The following NUP35 variants were observed in gnomAD, a reference collection of about 807,000 sequenced individuals.
The protein encoded by NUP35 is nucleoporin 35, also known as nucleoporin NUP35.
In NUP35, 25 loss-of-function variants were observed where a neutral mutation model predicts 41.5. That is an observed-to-expected ratio of 0.60 (90% CI 0.44 to 0.84). The LOEUF is 0.84. NUP35 is among the 40% of genes least tolerant of loss of function. NUP35 has a pLI of 0.00. For missense variants in NUP35, 396 were observed against 396.6 expected, an observed-to-expected ratio of 1.00 and a Z score of 0.01; for synonymous variants, 149 against 130.7, an observed-to-expected ratio of 1.14 and a Z score of -0.96.
intron 7 of NUP35, 139 bp from the exon 8 acceptor site, chr2:183,159,349 C>G (rs1453076513): frequency 4.4e-6 from 3 of 688,722 alleles, no homozygotes; most frequent in Non-Finnish European, 6.8e-6. Flanking sequence ...TTTCTCAAGC[C>G]TAAAATTATT....
chr2:183,139,161 C>T (rs944146302), intron 4 of NUP35, among the ~76,000 whole-genome samples: 53 of 151,352 alleles, frequency 3.5e-4, no homozygotes, highest in Non-Finnish European at 6.0e-4. Flanking sequence ...CTAAGAGAGC[C>T]GCTAAAGTGT....
intron 1 of NUP35, among the ~76,000 whole-genome samples, chr2:183,124,819 G>T (rs900967489): frequency 6.6e-6 from 1 of 152,144 alleles, no homozygotes; most frequent in African/African-American, 2.4e-5. Flanking sequence ...TACCCGAGAC[G>T]CGATGCTGGT....
chr2:183,120,445 CAAAA>C (rs3029530), upstream of NUP35, among the ~76,000 whole-genome samples: 2 of 118,262 alleles, frequency 1.7e-5, no homozygotes, highest in Admixed American at 8.7e-5. Context: ...GACTCCGTCT[CAAAA>C]AAAAAAAAAA....
chr2:183,155,564 T>C lies in NUP35; in HGVS notation c.540-1880T>C, dbSNP rs1379162159. ...TTCTTTTACATTTACATTTTTATAG[T>C]CTCTCATAAAATGGCTTTTTTTTTT... is the stretch of plus-strand genomic sequence containing the variant. On this transcript the variant is annotated intron_variant, in intron 5 of 8. Transcript: ENST00000295119. 8.2e-5 allele frequency among the ~76,000 whole-genome samples: 12 copies of C among 146,038 alleles called. No homozygotes were observed. In the Admixed American group the frequency reaches 8.7e-4, roughly 11 times the overall value.
At chr2:183,146,436 A>G (rs879127306) in intron 4 of NUP35, among the ~76,000 whole-genome samples, 1 of 152,276 alleles carries the variant, frequency 6.6e-6, no homozygotes, top group Admixed American at 6.5e-5. Flanking sequence ...CCAGAACACT[A>G]TTCTAGACCT....
At chr2:183,128,534 C>A (rs923642266) in intron 2 of NUP35, 77 bp downstream of exon 2, 1 of 969,996 alleles carries the variant, frequency 1.0e-6, no homozygotes, top group Non-Finnish European at 1.5e-6. Flanking sequence ...CCCTGAACCA[C>A]ATTGGAAGAA....
At chr2:183,125,962 G>A (rs1386740327) in intron 1 of NUP35, among the ~76,000 whole-genome samples, 1 of 152,138 alleles carries the variant, frequency 6.6e-6, no homozygotes, top group Admixed American at 6.5e-5. Flanking sequence ...GTTGGTGACA[G>A]TCCTGATTAA....
chr2:183,153,312 AC>A, intron 5 of NUP35, among the ~76,000 whole-genome samples: 1 of 152,122 alleles, frequency 6.6e-6, no homozygotes, highest in South Asian at 2.1e-4. Context: ...TTCCCAACAC[AC>A]CCCTGAAAGT....
At position 183,124,456 on chromosome 2, in the gene NUP35, C is replaced by G; in HGVS notation, c.-2C>G. ...CTGGTTTTAAGTGTAGTTGCCGACG[C>G]AATGGCAGCCTTTGCAGTGGAACCT... On this transcript the variant is annotated 5_prime_UTR_variant, in exon 1 of 9. Transcript: ENST00000295119. 2 of 1,614,174 alleles carry G rather than the reference C, an allele frequency of 1.2e-6. No homozygotes were observed. The highest frequency in any genetic ancestry group is 1.7e-6 in the Non-Finnish European group (2 of 1,179,992).
chr2:183,118,109 C>G (rs1377115192), intron 1 of NUP35, among the ~76,000 whole-genome samples: 1 of 152,086 alleles, frequency 6.6e-6, no homozygotes, highest in Non-Finnish European at 1.5e-5. Flanking sequence ...GAAAGGGCTC[C>G]CCACCTAAGT....
intron 4 of NUP35, among the ~76,000 whole-genome samples, chr2:183,149,935 GTC>G (rs934192340): frequency 1.3e-5 from 2 of 151,620 alleles, no homozygotes; most frequent in Non-Finnish European, 2.9e-5. Flanking sequence ...TTGAGACAGA[GTC>G]TCTCTGTCAC....
chr2:183,143,034 T>C (rs563690412), intron 4 of NUP35, among the ~76,000 whole-genome samples: 1 of 151,334 alleles, frequency 6.6e-6, no homozygotes, highest in Admixed American at 6.6e-5. Flanking sequence ...CAGGCGCCTG[T>C]AGTCCCAGCT....
chr2:183,134,570 C>T (rs572485554), intron 4 of NUP35, among the ~76,000 whole-genome samples: 47 of 151,464 alleles, frequency 3.1e-4, no homozygotes, highest in African/African-American at 1.0e-3. Flanking sequence ...AAAATCTAGA[C>T]ATTGGTAGGG....
intron 4 of NUP35, among the ~76,000 whole-genome samples, chr2:183,147,202 T>G (rs112109702): frequency 0.045 from 6,896 of 152,280 alleles, 243 homozygotes; most frequent in South Asian, 0.15. Context: ...AGTCATTAGT[T>G]TAATTAGGTC....
chr2:183,127,092 T>C (rs1010842306), intron 1 of NUP35, among the ~76,000 whole-genome samples: 3 of 152,218 alleles, frequency 2.0e-5, no homozygotes, highest in African/African-American at 7.2e-5. Context: ...CATCTTTGAC[T>C]CCATAGCCCA....
intron 4 of NUP35, among the ~76,000 whole-genome samples, chr2:183,145,726 G>GTTAGT (rs1213893510): frequency 6.6e-6 from 1 of 152,124 alleles, no homozygotes; most frequent in Admixed American, 6.6e-5. Context: ...ACTTTAAAAA[G>GTTAGT]TTAACTGTTG....
At chr2:183,123,833 A>G, upstream of NUP35, 1 of 985,162 alleles carries the variant, frequency 1.0e-6, no homozygotes, top group Non-Finnish European at 1.2e-6. Flanking sequence ...GTGGGTGCGT[A>G]TAATTATCTT....
At chr2:183,124,056 T>A (rs1232167033), upstream of NUP35, among the ~76,000 whole-genome samples, 1 of 152,192 alleles carries the variant, frequency 6.6e-6, no homozygotes, top group Non-Finnish European at 1.5e-5. Flanking sequence ...AGGCACCAAC[T>A]GTTTTCATCA....
intron 5 of NUP35, among the ~76,000 whole-genome samples, chr2:183,156,412 G>A (rs1268189848): frequency 3.9e-5 from 6 of 152,198 alleles, no homozygotes; most frequent in South Asian, 2.1e-4. Context: ...CGATCTTGGC[G>A]CATTGCAACC....
Sources: allele counts gnomAD v4.1 joint callset (sites outside exome capture counted in the v4.1 genomes callset), GRCh38; gene constraint gnomAD v4.1.1; transcripts MANE v1.5; gene names NCBI Gene and HGNC (gene_info 2026-07-23, HGNC 2026-07-21).